ATG14: variants seen among roughly 807,000 people sequenced by gnomAD.
The protein encoded by ATG14 is autophagy related 14.
ATG14 carries 35 observed loss-of-function variants against 60.4 expected under a neutral mutation model. That is an observed-to-expected ratio of 0.58 (90% CI 0.44 to 0.77). The LOEUF (loss-of-function observed/expected upper bound fraction) is 0.77. Ranked by LOEUF, ATG14 falls within the 30% of genes least tolerant of loss-of-function variation. ATG14 has a pLI of 0.00. For missense variants in ATG14, 647 were observed against 626.3 expected (o/e 1.03, Z -0.35); for synonymous variants, 234 against 228.8 (o/e 1.02, Z -0.21).
At chr14:55,387,099 G>A (rs1000865011) in intron 4 of ATG14, among the ~76,000 whole-genome samples, 1 of 151,854 alleles carries the variant, frequency 6.6e-6, no homozygotes, top group South Asian at 2.1e-4. Flanking sequence ...TCTCCAACAC[G>A]GCTCGACTCC....
intron 5 of ATG14, among the ~76,000 whole-genome samples, chr14:55,383,064 AG>A (rs1217353952): frequency 6.6e-6 from 1 of 152,186 alleles, no homozygotes; most frequent in African/African-American, 2.4e-5. Flanking sequence ...CCACAAAAAG[AG>A]CAGCTAGTTC....
intron 6 of ATG14, among the ~76,000 whole-genome samples, 185 bp from the exon 7 acceptor site, chr14:55,380,875 A>ATATATATATTT (rs377330757): frequency 5.4e-4 from 61 of 112,688 alleles, no homozygotes; most frequent in African/African-American, 2.2e-3. Context: ...ATATATATAT[A>ATATATATATTT]TTTTTTTTTT....
chr14:55,410,255 T>C (rs367953592), intron 1 of ATG14, among the ~76,000 whole-genome samples: 2 of 152,210 alleles, frequency 1.3e-5, no homozygotes, highest in East Asian at 1.9e-4. Context: ...TTCTGGACTT[T>C]AGAGAAGACT....
At position 55,369,772 on chromosome 14, in the gene ATG14, C is replaced by G. The variant is rs371780921; in HGVS notation, c.1326G>C (p.Arg442=). The G allele has an allele frequency of 1.2e-6, 2 of 1,614,040 alleles. No homozygotes were observed. The highest frequency in any genetic ancestry group is 1.3e-5 in the African/African-American group (1 of 74,914). Residue 442 remains arginine, a synonymous_variant, in exon 10 of 10, where the codon CGG becomes CGC. Transcript: ENST00000247178. The part of the protein sequence containing the change: ...GTDWENLPSP[R]FCDIPSQSVE... ...CAGACTGGGAAGGGATATCACAAAACCGGGGACTAGGCAAGTTCTCCCAGT... is the reference window on the plus strand; with the variant it reads ...CAGACTGGGAAGGGATATCACAAAAGCGGGGACTAGGCAAGTTCTCCCAGT...
chr14:55,376,779 A>C (rs1176221869), intron 9 of ATG14, among the ~76,000 whole-genome samples: 1 of 152,170 alleles, frequency 6.6e-6, no homozygotes, highest in Non-Finnish European at 1.5e-5. Context: ...ATATATAACC[A>C]TATCACATCT....
At chr14:55,409,411 G>T (rs1885536813) in intron 1 of ATG14, among the ~76,000 whole-genome samples, 1 of 152,162 alleles carries the variant, frequency 6.6e-6, no homozygotes, top group African/African-American at 2.4e-5. Context: ...TATATCACTG[G>T]GGTGGGGGCA....
chr14:55,408,026 A>T (rs1023577905), intron 1 of ATG14, among the ~76,000 whole-genome samples: 2 of 152,168 alleles, frequency 1.3e-5, no homozygotes, highest in African/African-American at 4.8e-5. Flanking sequence ...ACAAGGATGA[A>T]CTTATTTGAG....
intron 4 of ATG14, 35 bp from the exon 5 acceptor site, chr14:55,386,131 T>C: frequency 1.9e-6 from 3 of 1,560,824 alleles, no homozygotes; most frequent in South Asian, 1.2e-5. Context: ...CAATTATCTC[T>C]GCAAACAGTT....
intron 1 of ATG14, among the ~76,000 whole-genome samples, chr14:55,401,029 T>C (rs1885390132): frequency 6.6e-6 from 1 of 152,146 alleles, no homozygotes; most frequent in Admixed American, 6.5e-5. Flanking sequence ...AAACACTTTA[T>C]ACAGTTTACA....
chr14:55,388,150 A>C (rs1415188132), intron 4 of ATG14, among the ~76,000 whole-genome samples: 1 of 152,128 alleles, frequency 6.6e-6, no homozygotes, highest in Non-Finnish European at 1.5e-5. Flanking sequence ...ACCAACAACA[A>C]CAACATCTCT....
At chr14:55,380,875 A>ATATATATATTTTTT (rs377330757) in intron 6 of ATG14, among the ~76,000 whole-genome samples, 185 bp from the exon 7 acceptor site, 8 of 112,728 alleles carry the variant, frequency 7.1e-5, no homozygotes, top group Admixed American at 3.6e-4. Flanking sequence ...ATATATATAT[A>ATATATATATTTTTT]TTTTTTTTTT....
chr14:55,383,336 A>G (rs2082037921), intron 5 of ATG14, among the ~76,000 whole-genome samples: 1 of 152,198 alleles, frequency 6.6e-6, no homozygotes, highest in Non-Finnish European at 1.5e-5. Context: ...AGATCACTTG[A>G]GGTCAGGAAT....
chr14:55,375,624 G>A lies in ATG14; in HGVS notation c.1172+2195C>T, dbSNP rs1033137275. Reference sequence around the variant, plus strand: ...CTCCCAAGTAGCTGGCATTATAGGCGTGAGCCACCATGCCTGGTTTGAACT... The same window carrying A: ...CTCCCAAGTAGCTGGCATTATAGGCATGAGCCACCATGCCTGGTTTGAACT... On this transcript the variant is annotated intron_variant, in intron 9 of 9. Transcript: ENST00000247178. 2.0e-5 allele frequency among the ~76,000 whole-genome samples: 3 copies of A among 151,288 alleles called. 1 individual carries two copies. In the South Asian group the frequency reaches 6.2e-4, roughly 31 times the overall value.
intron 9 of ATG14, among the ~76,000 whole-genome samples, chr14:55,372,617 C>G (rs892451945): frequency 6.6e-6 from 1 of 151,882 alleles, no homozygotes; most frequent in African/African-American, 2.4e-5. Flanking sequence ...TTCCCTCCCT[C>G]CCTTCCTTTC....
intron 9 of ATG14, among the ~76,000 whole-genome samples, chr14:55,374,458 T>C (rs947622062): frequency 6.6e-6 from 1 of 152,228 alleles, no homozygotes; most frequent in African/African-American, 2.4e-5. Context: ...TTGTCTGTTA[T>C]AGAGGTTGTG....
chr14:55,390,105 T>C (rs529492521), intron 4 of ATG14, among the ~76,000 whole-genome samples: 40 of 152,280 alleles, frequency 2.6e-4, no homozygotes, highest in Middle Eastern at 3.4e-3. Context: ...AGTTTTGCTC[T>C]TGTTGCCTAG....
intron 1 of ATG14, among the ~76,000 whole-genome samples, chr14:55,411,008 A>G (rs533279970): frequency 6.6e-6 from 1 of 152,356 alleles, no homozygotes; most frequent in East Asian, 1.9e-4. Context: ...TGAATTTTAA[A>G]ACAAGGCCAA....
At chr14:55,402,926 AATATATATATATATATATATATATATAT>A (rs71131262) in intron 1 of ATG14, among the ~76,000 whole-genome samples, 57 of 16,400 alleles carry the variant, frequency 3.5e-3, no homozygotes, top group African/African-American at 4.1e-3. Context: ...AAAAAAAAAA[AATATATATATATATATATATATATATAT>A]ATATATATAT....
intron 7 of ATG14, 102 bp downstream of exon 7, chr14:55,380,471 A>T (rs1338490875): frequency 1.3e-6 from 1 of 748,790 alleles, no homozygotes; most frequent in East Asian, 2.6e-5. Flanking sequence ...CTGTCTTGGT[A>T]ATACTTACAT....
Sources: allele counts gnomAD v4.1 joint callset (sites outside exome capture counted in the v4.1 genomes callset), GRCh38; gene constraint gnomAD v4.1.1; transcripts MANE v1.5; gene names NCBI Gene and HGNC (gene_info 2026-07-23, HGNC 2026-07-21).